Variants in DYNC2H1 observed in about 807,000 individuals in gnomAD.
DYNC2H1 encodes the protein cytoplasmic dynein 2 heavy chain 1.
Under a neutral mutation model 570.0 loss-of-function variants are expected in DYNC2H1, and 410 were observed. The ratio of observed to expected loss-of-function variants is 0.72; its 90% CI spans 0.66 to 0.78. The LOEUF (loss-of-function observed/expected upper bound fraction) is 0.78, where lower values mean the gene tolerates loss of function less well. DYNC2H1 is among the 30% of genes least tolerant of loss of function. The probability of loss-of-function intolerance (pLI) is 0.00; values close to 1 mark genes in which losing one functional copy is unlikely to be tolerated. For missense variants in DYNC2H1, 4,865 were observed against 5,046.4 expected (o/e 0.96, Z 1.09); for synonymous variants, 1,688 against 1,677.6 (o/e 1.01, Z -0.15).
chr11:103,325,346 T>C lies in DYNC2H1; in HGVS notation c.12039+1356T>C, dbSNP rs1207742015. Among the ~76,000 whole-genome samples, 1 of 152,260 alleles carries C rather than the reference T, an allele frequency of 6.6e-6. No individual in the cohort carries two copies. The highest frequency in any genetic ancestry group is 2.4e-5 in the African/African-American group (1 of 41,478). On this transcript the variant is annotated intron_variant, in intron 82 of 88. Transcript: ENST00000375735. The surrounding 1 kb of genome is among the most constrained non-coding windows in gnomAD (Gnocchi z 4.8). ...CCCATGGTTTTTATAGTTTTAGCTTTTACATTTAAGTCTTTAATCCATCTT... is the reference window on the plus strand; with the variant it reads ...CCCATGGTTTTTATAGTTTTAGCTTCTACATTTAAGTCTTTAATCCATCTT...
At chr11:103,424,677 G>T (rs956645023) in intron 84 of DYNC2H1, among the ~76,000 whole-genome samples, 1 of 148,082 alleles carries the variant, frequency 6.8e-6, no homozygotes, top group Non-Finnish European at 1.5e-5. Flanking sequence ...CCAGTGTTCT[G>T]CTGGCAAATG....
intron 75 of DYNC2H1, among the ~76,000 whole-genome samples, chr11:103,300,701 T>C (rs1350025790): frequency 1.3e-5 from 2 of 152,106 alleles, no homozygotes; most frequent in Non-Finnish European, 2.9e-5. Context: ...TCCTGTGGGA[T>C]TTTAAAATTA....
At chr11:103,478,417 A>T (rs1379702624) in intron 88 of DYNC2H1, among the ~76,000 whole-genome samples, 1 of 152,154 alleles carries the variant, frequency 6.6e-6, no homozygotes, top group East Asian at 1.9e-4. Flanking sequence ...TAATAGCCAA[A>T]AAAGAGAGAC....
intron 83 of DYNC2H1, among the ~76,000 whole-genome samples, chr11:103,374,011 C>A (rs1457381513): frequency 6.6e-6 from 1 of 152,056 alleles, no homozygotes; most frequent in African/African-American, 2.4e-5. Context: ...TATTCCTGTT[C>A]ACTTTTGGTT....
At chr11:103,442,994 G>A (rs1944317242) in intron 85 of DYNC2H1, among the ~76,000 whole-genome samples, 1 of 148,686 alleles carries the variant, frequency 6.7e-6, no homozygotes, top group Non-Finnish European at 1.5e-5. Flanking sequence ...CCATTTAAAG[G>A]CTTCTCTTAA....
chr11:103,329,043 A>G (rs371750537), intron 82 of DYNC2H1, among the ~76,000 whole-genome samples: 3 of 152,100 alleles, frequency 2.0e-5, no homozygotes, highest in East Asian at 1.9e-4. Context: ...CGTAGGACAG[A>G]CTTCAGATGT....
At chr11:103,150,243 G>A (rs1860469550) in intron 20 of DYNC2H1, among the ~76,000 whole-genome samples, 1 of 152,160 alleles carries the variant, frequency 6.6e-6, no homozygotes, top group South Asian at 2.1e-4. Flanking sequence ...GTGACACAAT[G>A]TCTCTGACAT....
chr11:103,374,756 G>A (rs888106802), intron 83 of DYNC2H1, among the ~76,000 whole-genome samples: 2 of 152,180 alleles, frequency 1.3e-5, no homozygotes, highest in Non-Finnish European at 1.5e-5. Context: ...ATGATTTAGG[G>A]TATCTGGCAG....
At chr11:103,167,457 A>G (rs1861375360) in intron 31 of DYNC2H1, among the ~76,000 whole-genome samples, 1 of 151,892 alleles carries the variant, frequency 6.6e-6, no homozygotes, top group African/African-American at 2.4e-5. Context: ...TTGTAGAGAC[A>G]TGGTTTTGCC....
chr11:103,291,453 A>AAATAATAAATT (rs1866596853), intron 75 of DYNC2H1, among the ~76,000 whole-genome samples: 1 of 151,400 alleles, frequency 6.6e-6, no homozygotes, highest in Admixed American at 6.6e-5. Flanking sequence ...ATAAATAAAT[A>AAATAATAAATT]AATAAATAAA....
At chr11:103,312,568 C>CAAAAAA (rs1591561544) in intron 79 of DYNC2H1, among the ~76,000 whole-genome samples, 59 of 32,454 alleles carry the variant, frequency 1.8e-3, no homozygotes, top group East Asian at 5.0e-3. Context: ...AAAAAAAAAC[C>CAAAAAA]AATTGTAATG....
At chr11:103,234,322 C>CTCTTTA (rs1864139034) in intron 61 of DYNC2H1, among the ~76,000 whole-genome samples, 162 bp downstream of exon 61, 2 of 151,938 alleles carry the variant, frequency 1.3e-5, no homozygotes, top group African/African-American at 4.8e-5. Context: ...ACTCTTTAAA[C>CTCTTTA]AAAGCGTCTT....
intron 85 of DYNC2H1, among the ~76,000 whole-genome samples, chr11:103,445,601 G>A (rs1944394587): frequency 6.6e-6 from 1 of 152,082 alleles, no homozygotes; most frequent in African/African-American, 2.4e-5. Context: ...TTAAACTTGT[G>A]GATTTGGCTA....
chr11:103,199,080 T>A lies in DYNC2H1; in HGVS notation c.7840-148T>A. 4.1e-6 allele frequency: 2 copies of A among 491,404 alleles called. No individual in the cohort carries two copies. The highest frequency in any genetic ancestry group is 9.2e-5 in the South Asian group (2 of 21,626). 30.4% of individuals were successfully genotyped at this position (491,404 alleles called of 1,614,324 possible). ...TATTTATCCAGGATTACCAGACATA[T>A]AAAATATTGAGTGTGAGATGATATG... On this transcript the variant is annotated intron_variant, in intron 48 of 88. Transcript: ENST00000375735. The surrounding 1 kb of genome is among the most constrained non-coding windows in gnomAD (Gnocchi z 4.6).
At chr11:103,291,986 G>A (rs1326277331) in intron 75 of DYNC2H1, among the ~76,000 whole-genome samples, 2 of 152,030 alleles carry the variant, frequency 1.3e-5, no homozygotes, top group African/African-American at 2.4e-5. Flanking sequence ...ATAAAGTTGG[G>A]TCTTATTTTT....
chr11:103,231,852 T>TTC (rs1239449361), intron 60 of DYNC2H1, among the ~76,000 whole-genome samples: 5 of 151,564 alleles, frequency 3.3e-5, no homozygotes, highest in African/African-American at 7.3e-5. Context: ...GGAAACAATT[T>TTC]TCTCTCTCTG....
intron 82 of DYNC2H1, among the ~76,000 whole-genome samples, chr11:103,356,466 T>C (rs906155136): frequency 6.6e-5 from 10 of 152,210 alleles, no homozygotes; most frequent in African/African-American, 2.2e-4. Flanking sequence ...TTTAACATCA[T>C]GCACAAAAAA....
intron 17 of DYNC2H1, among the ~76,000 whole-genome samples, chr11:103,138,763 G>C (rs1255233423): frequency 1.3e-5 from 2 of 152,068 alleles, no homozygotes; most frequent in Non-Finnish European, 2.9e-5. Context: ...TTTTTCTATT[G>C]ATTGGAATAG....
intron 15 of DYNC2H1, among the ~76,000 whole-genome samples, chr11:103,135,081 T>C (rs954118264): frequency 1.3e-5 from 2 of 152,156 alleles, no homozygotes; most frequent in Admixed American, 6.6e-5. Context: ...AAATCTCATA[T>C]GTTTTAAAAT....
Sources: gnomAD v4.1 joint callset for allele counts (sites outside exome capture counted in the v4.1 genomes callset) on GRCh38, gnomAD v4.1.1 for gene constraint, Gnocchi (gnomAD v3.1) non-coding constraint, MANE v1.5 for transcripts, NCBI Gene and HGNC (gene_info 2026-07-23, HGNC 2026-07-21) for gene names.